MAPK10: variants seen among roughly 807,000 people sequenced by gnomAD.
MAPK10 encodes the protein mitogen-activated protein kinase 10, also known as JNK3 alpha protein kinase.
In MAPK10, 25 loss-of-function variants were observed where a neutral mutation model predicts 59.3. The observed-to-expected ratio is 0.42, with a 90% CI of 0.31 to 0.59. The LOEUF (loss-of-function observed/expected upper bound fraction) is 0.59. Among genes scored for constraint, MAPK10 ranks in the 20% least tolerant of loss-of-function variants. The pLI, the probability that MAPK10 is intolerant of heterozygous loss-of-function variation, is 0.15. For missense variants in MAPK10, 351 were observed against 568.9 expected, an observed-to-expected ratio of 0.62 and a Z score of 3.90; for synonymous variants, 190 against 200.5, an observed-to-expected ratio of 0.95 and a Z score of 0.44.
intron 1 of MAPK10, among the ~76,000 whole-genome samples, chr4:86,507,619 T>TAG (rs1755849039): frequency 6.4e-5 from 1 of 15,608 alleles, no homozygotes; most frequent in Non-Finnish European, 1.3e-4. Flanking sequence ...ACTGGAGATA[T>TAG]ATATATATAT....
rs556005357 is a variant in MAPK10, at chr4:86,105,560, A to G, written c.366+1663T>C. The stretch of plus-strand genomic sequence containing the variant: ...GGATGAGGGAAATATAAATACATGT[A>G]TGGAAAACTTTCCATACAATTGATT... On this transcript the variant is annotated intron_variant, in intron 5 of 13. Transcript: ENST00000641462. 5.3e-5 allele frequency among the ~76,000 whole-genome samples: 8 copies of G among 152,272 alleles called. No individual in the cohort carries two copies. The East Asian group carries it at 1.5e-3, about 29-fold the overall frequency.
At chr4:86,215,817 G>C (rs571665630) in intron 2 of MAPK10, among the ~76,000 whole-genome samples, 1 of 152,270 alleles carries the variant, frequency 6.6e-6, no homozygotes, top group South Asian at 2.1e-4. Flanking sequence ...AGCCGAGATT[G>C]TGCCACTGCA....
intron 1 of MAPK10, among the ~76,000 whole-genome samples, chr4:86,404,659 A>C (rs1227462176): frequency 6.6e-6 from 1 of 152,226 alleles, no homozygotes; most frequent in Non-Finnish European, 1.5e-5. Context: ...TAAGAAAAGC[A>C]AAAATATTTC....
At chr4:86,136,969 C>T (rs1323669226) in intron 4 of MAPK10, among the ~76,000 whole-genome samples, 4 of 152,136 alleles carry the variant, frequency 2.6e-5, no homozygotes, top group Non-Finnish European at 4.4e-5. Flanking sequence ...GTGATCAATT[C>T]AACAAGAAGA....
intron 4 of MAPK10, among the ~76,000 whole-genome samples, chr4:86,128,263 A>C (rs1252676865): frequency 6.6e-6 from 1 of 152,128 alleles, no homozygotes; most frequent in African/African-American, 2.4e-5. Flanking sequence ...CACTAAAACC[A>C]TATGAAGTAA....
rs369930056 is a variant in MAPK10 at position 86,475,647 on chromosome 4, G to A, written c.-263+118263C>T. Among the ~76,000 whole-genome samples the A allele has an allele frequency of 9.2e-5, 14 of 152,208 alleles. 1 individual carries two copies. The East Asian group carries it at 2.7e-3, about 29-fold the overall frequency. On this transcript the variant is annotated intron_variant, in intron 1 of 4. Transcript: ENST00000502302. ...ACATTTCAGAGGTGTCTGACCACATGGGGACGCCTGCCTTGGTCCTTCACC... is the reference window on the plus strand; with the variant it reads ...ACATTTCAGAGGTGTCTGACCACATAGGGACGCCTGCCTTGGTCCTTCACC...
At chr4:86,478,802 G>A (rs945734818) in intron 1 of MAPK10, among the ~76,000 whole-genome samples, 2 of 152,048 alleles carry the variant, frequency 1.3e-5, no homozygotes, top group Non-Finnish European at 2.9e-5. Context: ...AGGCCTAATC[G>A]CAACACACCA....
intron 1 of MAPK10, among the ~76,000 whole-genome samples, chr4:86,437,092 T>C (rs1384083515): frequency 6.6e-6 from 1 of 151,698 alleles, no homozygotes; most frequent in Non-Finnish European, 1.5e-5. Flanking sequence ...CAGGCACCTG[T>C]AGTCCCAGCT....
intron 1 of MAPK10, among the ~76,000 whole-genome samples, chr4:86,415,504 A>T (rs1579130948): frequency 6.6e-6 from 1 of 152,212 alleles, no homozygotes; most frequent in Admixed American, 6.5e-5. Context: ...TTCAATAAAG[A>T]ACTACTACAA....
At chr4:86,438,625 G>T (rs1259619905) in intron 1 of MAPK10, among the ~76,000 whole-genome samples, 1 of 151,688 alleles carries the variant, frequency 6.6e-6, no homozygotes, top group East Asian at 1.9e-4. Flanking sequence ...AGGAGGTGGA[G>T]GTTGCAGTGA....
At chr4:86,139,227 C>A (rs2063012569) in intron 4 of MAPK10, among the ~76,000 whole-genome samples, 1 of 147,686 alleles carries the variant, frequency 6.8e-6, no homozygotes, top group Non-Finnish European at 1.5e-5. Flanking sequence ...ATCGCCAAGT[C>A]AATCCTAAGC....
chr4:86,364,931 G>A (rs902123522), upstream of MAPK10, among the ~76,000 whole-genome samples: 1 of 152,070 alleles, frequency 6.6e-6, no homozygotes, highest in African/African-American at 2.4e-5. Context: ...CATGAGCCAA[G>A]ATCACACCAC....
intron 11 of MAPK10, among the ~76,000 whole-genome samples, chr4:86,037,433 T>C (rs2040551599): frequency 6.6e-6 from 1 of 151,648 alleles, no homozygotes; most frequent in Admixed American, 6.6e-5. Context: ...GGCAGGAGAA[T>C]GGCATAAACT....
intron 2 of MAPK10, among the ~76,000 whole-genome samples, chr4:86,233,848 T>C (rs17011573): frequency 0.046 from 7,026 of 152,138 alleles, 207 homozygotes; most frequent in African/African-American, 0.072. Context: ...CCAAAAAAGA[T>C]GCTTAGAATT....
chr4:86,501,572 G>T (rs1382230179), intron 1 of MAPK10, among the ~76,000 whole-genome samples: 1 of 151,770 alleles, frequency 6.6e-6, no homozygotes, highest in Non-Finnish European at 1.5e-5. Flanking sequence ...TAATTAGTTG[G>T]GTTAAACCCA....
At chr4:86,422,603 C>T (rs1746675375) in intron 1 of MAPK10, among the ~76,000 whole-genome samples, 1 of 152,176 alleles carries the variant, frequency 6.6e-6, no homozygotes, top group African/African-American at 2.4e-5. Context: ...TTAATCCTTA[C>T]ATAGATTAAC....
intron 2 of MAPK10, among the ~76,000 whole-genome samples, chr4:86,333,554 C>T (rs895535892): frequency 1.3e-5 from 2 of 152,186 alleles, no homozygotes; most frequent in Non-Finnish European, 2.9e-5. Context: ...AACTTTCAGC[C>T]TTAATCTTCC....
At chr4:86,249,395 C>T (rs2093300280) in intron 2 of MAPK10, among the ~76,000 whole-genome samples, 1 of 152,148 alleles carries the variant, frequency 6.6e-6, no homozygotes, top group Admixed American at 6.5e-5. Context: ...TCCCCATTAG[C>T]TGCTAAAACA....
chr4:86,157,490 A>G (rs1229487118), intron 4 of MAPK10, among the ~76,000 whole-genome samples: 7 of 151,984 alleles, frequency 4.6e-5, no homozygotes, highest in African/African-American at 1.7e-4. Flanking sequence ...CCCAGTTTCC[A>G]GTTTGCACCA....
Sources: allele counts gnomAD v4.1 joint callset (sites outside exome capture counted in the v4.1 genomes callset), GRCh38; gene constraint gnomAD v4.1.1; transcripts MANE v1.5; gene names NCBI Gene and HGNC (gene_info 2026-07-23, HGNC 2026-07-21).